Variants in HCN1 observed in about 807,000 individuals in gnomAD.
HCN1 encodes the protein potassium/sodium hyperpolarization-activated cyclic nucleotide-gated channel 1.
In HCN1, 13 loss-of-function variants were observed where a neutral mutation model predicts 78.9. The observed-to-expected ratio is 0.16, with a 90% confidence interval of 0.11 to 0.26. The LOEUF (loss-of-function observed/expected upper bound fraction) is 0.26. Among genes scored for constraint, HCN1 ranks in the 10% least tolerant of loss-of-function variants. The pLI is 1.00. For synonymous variants in HCN1, 552 were observed against 455.5 expected, an observed-to-expected ratio of 1.21 and a Z score of -2.70; for missense variants, 810 against 1,154.3, an observed-to-expected ratio of 0.70 and a Z score of 4.32.
chr5:45,526,126 C>T (rs1232377210), intron 2 of HCN1, among the ~76,000 whole-genome samples: 1 of 151,942 alleles, frequency 6.6e-6, no homozygotes, highest in Admixed American at 6.6e-5. Context: ...TATAAGCCAC[C>T]CACTGTGTGG....
At chr5:45,400,447 G>A (rs1174908745) in intron 3 of HCN1, among the ~76,000 whole-genome samples, 1 of 135,476 alleles carries the variant, frequency 7.4e-6, no homozygotes, top group African/African-American at 2.8e-5. Flanking sequence ...TGCCCAGGCT[G>A]GAGTGCAATG....
intron 4 of HCN1, among the ~76,000 whole-genome samples, chr5:45,366,686 T>C (rs12517615): frequency 0.059 from 8,976 of 151,842 alleles, 381 homozygotes; most frequent in East Asian, 0.13. Context: ...GAATAATTTT[T>C]AAATGACTCA....
intron 2 of HCN1, among the ~76,000 whole-genome samples, chr5:45,625,605 T>A (rs1263917924): frequency 6.6e-6 from 1 of 151,786 alleles, no homozygotes; most frequent in Non-Finnish European, 1.5e-5. Flanking sequence ...CACTCTCACC[T>A]GGGAAAGAGA....
intron 6 of HCN1, among the ~76,000 whole-genome samples, chr5:45,272,266 G>A (rs1049006680): frequency 3.3e-5 from 5 of 151,956 alleles, no homozygotes; most frequent in Admixed American, 6.6e-5. Context: ...TGTCTTTGGC[G>A]GGGATGGGGG....
chr5:45,687,295 TTGC>T (rs1423796561), intron 1 of HCN1, among the ~76,000 whole-genome samples: 4 of 152,178 alleles, frequency 2.6e-5, no homozygotes, highest in African/African-American at 4.8e-5. Flanking sequence ...GACATTTCAG[TTGC>T]TGCTATCTGG....
chr5:45,685,922 G>C lies in HCN1; in HGVS notation c.425+9747C>G, dbSNP rs184928914. On this transcript the variant is annotated intron_variant, in intron 1 of 7. Transcript: ENST00000303230. ...TGGAAACGGTTAGAGTATGTACTTAGAGAATATTTAATTTTTCAAACAACT... is the reference window on the plus strand; with the variant it reads ...TGGAAACGGTTAGAGTATGTACTTACAGAATATTTAATTTTTCAAACAACT... 2.7e-3 allele frequency among the ~76,000 whole-genome samples: 414 copies of C among 152,192 alleles called. 1 individual carries two copies. The highest frequency in any genetic ancestry group is 9.5e-3 in the African/African-American group (393 of 41,534).
intron 2 of HCN1, among the ~76,000 whole-genome samples, chr5:45,550,834 C>T (rs1743352238): frequency 6.6e-6 from 1 of 151,968 alleles, no homozygotes; most frequent in African/African-American, 2.4e-5. Flanking sequence ...CCCATCTGCA[C>T]TTGCTTAGAA....
intron 5 of HCN1, among the ~76,000 whole-genome samples, chr5:45,315,166 A>C (rs950987353): frequency 3.3e-5 from 5 of 152,230 alleles, no homozygotes; most frequent in African/African-American, 9.6e-5. Context: ...AGTTGGAAGT[A>C]AAGCTCTCCT....
intron 2 of HCN1, among the ~76,000 whole-genome samples, chr5:45,489,053 G>T (rs1741828615): frequency 6.6e-6 from 1 of 152,150 alleles, no homozygotes; most frequent in Non-Finnish European, 1.5e-5. Flanking sequence ...TCTCAGACAG[G>T]TAAGGCCTCA....
chr5:45,545,401 T>A (rs1257263664), intron 2 of HCN1, among the ~76,000 whole-genome samples: 1 of 152,236 alleles, frequency 6.6e-6, no homozygotes, highest in Non-Finnish European at 1.5e-5. Flanking sequence ...GCAGGTTGCC[T>A]GTTCATTCTG....
Position 45,330,457 on chromosome 5 carries a change from T to C in HCN1, c.1377+22643A>G, listed in dbSNP as rs144065934. 2.6e-3 allele frequency among the ~76,000 whole-genome samples: 390 copies of C among 151,066 alleles called. 6 individuals carry two copies. Among genetic ancestry groups the C allele is most frequent in the African/African-American group, 8.9e-3 (367 of 41,394 alleles). Reference sequence around the variant, plus strand: ...CATATGATGTACATATATACATATATATATAATGGCAAGATGATTTTACAT... The same window carrying C: ...CATATGATGTACATATATACATATACATATAATGGCAAGATGATTTTACAT... On this transcript the variant is annotated intron_variant, in intron 5 of 7. Transcript: ENST00000303230.
intron 3 of HCN1, among the ~76,000 whole-genome samples, chr5:45,406,113 T>A (rs1739914534): frequency 6.6e-6 from 1 of 152,132 alleles, no homozygotes; most frequent in Non-Finnish European, 1.5e-5. Context: ...ATTCATCCAA[T>A]TTTTTATACT....
At chr5:45,369,353 C>G (rs1747301105) in intron 4 of HCN1, among the ~76,000 whole-genome samples, 1 of 151,940 alleles carries the variant, frequency 6.6e-6, no homozygotes, top group South Asian at 2.1e-4. Context: ...CTCATATTAT[C>G]CTTCTAAAAT....
intron 4 of HCN1, among the ~76,000 whole-genome samples, chr5:45,384,163 T>G (rs1261609613): frequency 6.6e-6 from 1 of 152,150 alleles, no homozygotes; most frequent in Non-Finnish European, 1.5e-5. Context: ...TATATACTCA[T>G]GTTTCCTTTA....
intron 7 of HCN1, among the ~76,000 whole-genome samples, chr5:45,264,815 C>T (rs531554925): frequency 6.6e-6 from 1 of 152,154 alleles, no homozygotes; most frequent in South Asian, 2.1e-4. Flanking sequence ...TTATAAAGAT[C>T]AAAAATTCAA....
At chr5:45,472,165 G>A (rs1350424178) in intron 2 of HCN1, among the ~76,000 whole-genome samples, 1 of 151,848 alleles carries the variant, frequency 6.6e-6, no homozygotes, top group Non-Finnish European at 1.5e-5. Context: ...CCTTTAACAT[G>A]ATTGATCAGA....
chr5:45,512,970 A>G lies in HCN1; in HGVS notation c.850-50963T>C, dbSNP rs1742443098. On this transcript the variant is annotated intron_variant, in intron 2 of 7. Coordinates refer to ENST00000303230, the MANE Select transcript of HCN1 (RefSeq NM_021072.4). ...AAGTTCCAACTCACGCCAGAGCCCGACTTTAAAAATTAATAAAGTACATCT... is the reference window on the plus strand; with the variant it reads ...AAGTTCCAACTCACGCCAGAGCCCGGCTTTAAAAATTAATAAAGTACATCT... Among the ~76,000 whole-genome samples, 2 of 152,150 alleles carry G rather than the reference A, an allele frequency of 1.3e-5. 1 individual carries two copies. The highest frequency in any genetic ancestry group is 4.1e-4 in the South Asian group (2 of 4,830).
chr5:45,547,306 A>C (rs2111844858), intron 2 of HCN1, among the ~76,000 whole-genome samples: 1 of 152,078 alleles, frequency 6.6e-6, no homozygotes, highest in East Asian at 1.9e-4. Context: ...TAGAATAATA[A>C]AACACATTGG....
At chr5:45,308,595 T>C (rs2111912631) in intron 5 of HCN1, among the ~76,000 whole-genome samples, 1 of 152,232 alleles carries the variant, frequency 6.6e-6, no homozygotes, top group South Asian at 2.1e-4. Context: ...AGTTAATAAC[T>C]GTGGTCTGTC....
Sources: allele counts gnomAD v4.1 joint callset (sites outside exome capture counted in the v4.1 genomes callset), GRCh38; gene constraint gnomAD v4.1.1; transcripts MANE v1.5; gene names NCBI Gene and HGNC (gene_info 2026-07-23, HGNC 2026-07-21).